CSMD1: variants seen among roughly 807,000 people sequenced by gnomAD.
CSMD1 encodes the protein CUB and sushi domain-containing protein 1.
CSMD1 carries 213 observed loss-of-function variants against 417.5 expected under a neutral mutation model. That is an observed-to-expected ratio of 0.51 (90% confidence interval 0.46 to 0.57). The LOEUF (loss-of-function observed/expected upper bound fraction) is 0.57, where lower values mean the gene tolerates loss of function less well. Among genes scored for constraint, CSMD1 ranks in the 20% least tolerant of loss-of-function variants. CSMD1 has a pLI of 0.00. For missense variants in CSMD1, 6,923 were observed against 4,529.7 expected, an observed-to-expected ratio of 1.53 and a Z score of -15.17; for synonymous variants, 2,862 against 1,736.8, an observed-to-expected ratio of 1.65 and a Z score of -16.11.
At chr8:3,187,744 C>G (rs1219537052) in intron 36 of CSMD1, 125 bp downstream of exon 36, 7 of 691,674 alleles carry the variant, frequency 1.0e-5, no homozygotes, top group African/African-American at 1.8e-5. Flanking sequence ...ACTAGAGCAA[C>G]CATTATGGAG....
At chr8:3,288,560 C>T (rs563170838) in intron 25 of CSMD1, among the ~76,000 whole-genome samples, 32 of 147,400 alleles carry the variant, frequency 2.2e-4, no homozygotes, top group Non-Finnish European at 5.9e-5. Flanking sequence ...TTATCCATTT[C>T]TTCTAGATTT....
rs142352358 is a variant in CSMD1, at chr8:4,227,744, G to C, written c.415+192209C>G. Reference sequence around the variant, plus strand: ...CCCCACATTAACTCCCACACCTGGAGACACACCCTCCATCCTGCATTCAAT... The same window carrying C: ...CCCCACATTAACTCCCACACCTGGACACACACCCTCCATCCTGCATTCAAT... On this transcript the variant is annotated intron_variant, in intron 3 of 69. Coordinates refer to ENST00000635120, the MANE Select transcript of CSMD1 (RefSeq NM_033225.6). 3.4e-5 allele frequency among the ~76,000 whole-genome samples: 5 copies of C among 146,400 alleles called. No individual in the cohort carries two copies. In the East Asian group the frequency reaches 1.0e-3, roughly 30 times the overall value.
chr8:4,117,584 A>G (rs1430821711), intron 3 of CSMD1, among the ~76,000 whole-genome samples: 7 of 152,346 alleles, frequency 4.6e-5, no homozygotes, highest in East Asian at 3.9e-4. Context: ...AATGATGGCA[A>G]TGATTATTTT....
At chr8:3,900,959 G>A (rs577636737) in intron 5 of CSMD1, among the ~76,000 whole-genome samples, 2 of 152,362 alleles carry the variant, frequency 1.3e-5, no homozygotes, top group South Asian at 4.1e-4. Flanking sequence ...ATAAAGGACA[G>A]AACAGAGCCT....
intron 2 of CSMD1, among the ~76,000 whole-genome samples, chr8:4,604,970 C>T (rs1585318773): frequency 6.6e-6 from 1 of 152,132 alleles, no homozygotes; most frequent in Non-Finnish European, 1.5e-5. Flanking sequence ...GGGTCTATGC[C>T]AGATACGAGT....
chr8:2,942,564 G>T lies in CSMD1; in HGVS notation c.10443C>A (p.His3481Gln). Residue 3481 changes from histidine to glutamine, a missense_variant, in exon 69 of 70, where the codon CAC becomes CAA. Transcript: ENST00000635120. The stretch of plus-strand genomic sequence containing the variant: ...CCGCCACAGAGCCACTGCTGGTGCC[G>T]TGGTAATGACTGGAAGAGTCTTGAT... Reference protein sequence around the residue: ...NPDQDSSSHYHGTSSGSVAAA... With the variant: ...NPDQDSSSHYQGTSSGSVAAA... 1 of 1,605,162 alleles carries T rather than the reference G, an allele frequency of 6.2e-7. No individual in the cohort carries two copies. The highest frequency in any genetic ancestry group is 8.5e-7 in the Non-Finnish European group (1 of 1,175,074).
chr8:4,111,893 G>A (rs937076812), intron 3 of CSMD1, among the ~76,000 whole-genome samples: 1 of 152,094 alleles, frequency 6.6e-6, no homozygotes, highest in Admixed American at 6.6e-5. Context: ...TAAGAAACCT[G>A]CACATCCAGC....
At chr8:3,013,120 G>T (rs973266759) in intron 52 of CSMD1, among the ~76,000 whole-genome samples, 1 of 152,174 alleles carries the variant, frequency 6.6e-6, no homozygotes, top group South Asian at 2.1e-4. Context: ...GCTCAGGTAT[G>T]TCTTTCTTAG....
intron 5 of CSMD1, among the ~76,000 whole-genome samples, chr8:3,929,001 T>G (rs999316576): frequency 1.3e-5 from 2 of 150,586 alleles, no homozygotes. Context: ...TAAGAAATCT[T>G]ACCGATTTTT....
rs988856302 is a variant in CSMD1, at chr8:4,994,774, A to G, written c.-358T>C. On this transcript the variant is annotated 5_prime_UTR_variant, in exon 1 of 70. Transcript: ENST00000635120. ...GCGCGCAGCCAGGAGAGACCTGGAG[A>G]GGAGGCAGCTGGAGAGAGAGCCAGC... 8 of 225,704 alleles carry G rather than the reference A, an allele frequency of 3.5e-5. No homozygotes were observed. The highest frequency in any genetic ancestry group is 6.9e-5 in the Non-Finnish European group (8 of 116,062). The allele number at this position is 225,704 out of a possible 1,614,324, so 14.0% of individuals were successfully genotyped here.
At chr8:3,292,403 A>T (rs999537147) in intron 25 of CSMD1, among the ~76,000 whole-genome samples, 6 of 152,028 alleles carry the variant, frequency 3.9e-5, no homozygotes, top group Non-Finnish European at 4.4e-5. Flanking sequence ...TGTCTCGTTG[A>T]TCTGTCTAAT....
chr8:3,753,432 T>G lies in CSMD1; in HGVS notation c.931+498A>C, dbSNP rs191231075. Among the ~76,000 whole-genome samples, 346 of 152,296 alleles carry G rather than the reference T, an allele frequency of 2.3e-3. 1 individual carries two copies. Among genetic ancestry groups the G allele is most frequent in the Admixed American group, 2.6e-3 (40 of 15,302 alleles). ...TGTCCTAATGACTACAGACTCCCCA[T>G]TTTGCTCAGCTGCAGGAAATCCAGA... On this transcript the variant is annotated intron_variant, in intron 6 of 69. Coordinates refer to ENST00000635120, the MANE Select transcript of CSMD1 (RefSeq NM_033225.6).
rs17079239 is a variant in CSMD1, at chr8:3,066,534, T to C, written c.7475-13887A>G. 4.4e-3 allele frequency among the ~76,000 whole-genome samples: 664 copies of C among 152,330 alleles called. 9 individuals carry two copies. The highest frequency in any genetic ancestry group is 0.015 in the African/African-American group (609 of 41,576). On this transcript the variant is annotated intron_variant, in intron 49 of 69. Transcript: ENST00000635120. Reference sequence around the variant, plus strand: ...GAAGTGGACTCTGGGGGTCCTTTAATTCTTGAGTAATCATGGCTTCCTTGT... The same window carrying C: ...GAAGTGGACTCTGGGGGTCCTTTAACTCTTGAGTAATCATGGCTTCCTTGT...
At chr8:4,980,039 A>AAAAT (rs1466373489) in intron 1 of CSMD1, among the ~76,000 whole-genome samples, 1 of 152,214 alleles carries the variant, frequency 6.6e-6, no homozygotes, top group African/African-American at 2.4e-5. Flanking sequence ...TCCATCCCAA[A>AAAAT]AAATAAATAA....
At chr8:3,254,386 G>A (rs915114738) in intron 26 of CSMD1, among the ~76,000 whole-genome samples, 2 of 152,036 alleles carry the variant, frequency 1.3e-5, no homozygotes, top group African/African-American at 2.4e-5. Flanking sequence ...TATATTTGTG[G>A]CATTCTCTGT....
At chr8:4,611,028 A>C (rs192572062) in intron 2 of CSMD1, among the ~76,000 whole-genome samples, 1 of 151,316 alleles carries the variant, frequency 6.6e-6, no homozygotes, top group African/African-American at 2.4e-5. Flanking sequence ...TGTAACTACC[A>C]TTTTTTTTTC....
chr8:3,391,379 A>C (rs568768895), intron 17 of CSMD1, among the ~76,000 whole-genome samples: 1 of 152,286 alleles, frequency 6.6e-6, no homozygotes, highest in Admixed American at 6.5e-5. Flanking sequence ...TAAATGGAAA[A>C]CCTTCATACC....
At chr8:4,063,602 G>C (rs1228286869) in intron 3 of CSMD1, among the ~76,000 whole-genome samples, 1 of 152,144 alleles carries the variant, frequency 6.6e-6, no homozygotes, top group African/African-American at 2.4e-5. Context: ...AAGGTGCCAC[G>C]TACGTTTCCA....
At chr8:3,921,055 C>G (rs1809218361) in intron 5 of CSMD1, among the ~76,000 whole-genome samples, 1 of 152,166 alleles carries the variant, frequency 6.6e-6, no homozygotes, top group South Asian at 2.1e-4. Context: ...TTTAGTGTTT[C>G]TTTAAATGTT....
Sources: gnomAD v4.1 joint callset for allele counts (sites outside exome capture counted in the v4.1 genomes callset) on GRCh38, gnomAD v4.1.1 for gene constraint, MANE v1.5 for transcripts, NCBI Gene and HGNC (gene_info 2026-07-23, HGNC 2026-07-21) for gene names.